ATXN7: variants seen among roughly 807,000 people sequenced by gnomAD.
ATXN7 encodes the protein ataxin 7.
ATXN7 carries 12 observed loss-of-function variants against 70.5 expected under a neutral mutation model. The ratio of observed to expected loss-of-function variants is 0.17; its 90% CI spans 0.11 to 0.28. ATXN7 has a LOEUF of 0.28. ATXN7 is among the 10% of genes least tolerant of loss of function. The probability of loss-of-function intolerance (pLI) is 1.00; values close to 1 mark genes in which losing one functional copy is unlikely to be tolerated. For synonymous variants in ATXN7, 498 were observed against 448.7 expected, an observed-to-expected ratio of 1.11 and a Z score of -1.39; for missense variants, 1,256 against 1,131.7, an observed-to-expected ratio of 1.11 and a Z score of -1.58.
intron 1 of ATXN7, among the ~76,000 whole-genome samples, chr3:63,879,111 A>C (rs1206710077): frequency 3.3e-5 from 5 of 152,022 alleles, no homozygotes; most frequent in African/African-American, 4.8e-5. Context: ...ATTTTATCTC[A>C]TCATCCTCAT....
chr3:63,927,255 G>C (rs1205574530), intron 4 of ATXN7, among the ~76,000 whole-genome samples: 1 of 152,050 alleles, frequency 6.6e-6, no homozygotes, highest in African/African-American at 2.4e-5. Context: ...TCTCTATATT[G>C]CTTTATAGCC....
At chr3:63,896,276 T>C (rs1179485610) in intron 1 of ATXN7, among the ~76,000 whole-genome samples, 1 of 126,238 alleles carries the variant, frequency 7.9e-6, no homozygotes, top group Non-Finnish European at 1.9e-5. Context: ...CTGGCCATCA[T>C]TTAAATACAT....
intron 5 of ATXN7, among the ~76,000 whole-genome samples, chr3:63,979,606 CATTTTTAG>C (rs2075452186): frequency 6.6e-6 from 1 of 152,148 alleles, no homozygotes; most frequent in Non-Finnish European, 1.5e-5. Context: ...CAATGAGGTT[CATTTTTAG>C]CACGCAAAAC....
chr3:63,880,114 CT>C (rs1296299956), intron 1 of ATXN7, among the ~76,000 whole-genome samples: 3 of 151,860 alleles, frequency 2.0e-5, no homozygotes, highest in Admixed American at 6.6e-5. Context: ...AGATTTTTAG[CT>C]TATCAAAAGA....
At chr3:63,936,785 G>A (rs2074669799) in intron 4 of ATXN7, among the ~76,000 whole-genome samples, 1 of 152,136 alleles carries the variant, frequency 6.6e-6, no homozygotes, top group South Asian at 2.1e-4. Flanking sequence ...AAGAGATAAT[G>A]ATCTCTCCTT....
intron 4 of ATXN7, among the ~76,000 whole-genome samples, chr3:63,914,120 A>G (rs1704167025): frequency 6.6e-6 from 1 of 152,154 alleles, no homozygotes; most frequent in South Asian, 2.1e-4. Flanking sequence ...ATAGTCCCCG[A>G]ATGCAATTTT....
At chr3:63,892,290 C>T (rs551201391) in intron 1 of ATXN7, among the ~76,000 whole-genome samples, 21 of 152,028 alleles carry the variant, frequency 1.4e-4, no homozygotes, top group Middle Eastern at 3.4e-3. Flanking sequence ...AGGAGATTAA[C>T]GTTCCCCTGG....
At chr3:63,998,373 T>C (rs1043844564) in intron 12 of ATXN7, 9 of 984,004 alleles carry the variant, frequency 9.1e-6, no homozygotes, top group Non-Finnish European at 8.4e-6. Context: ...TATATATGTA[T>C]ACACACACGT....
rs1165010363 is a variant in ATXN7 at position 63,996,108 on chromosome 3, G to A, written c.2286G>A (p.Thr762=). The change falls in exon 12 of 13, where the codon ACG becomes ACA. Residue 762 remains threonine (T), a synonymous_variant. Coordinates refer to ENST00000674280, the MANE Select transcript of ATXN7 (RefSeq NM_001377405.1). ...SSHSIGLNCV[T]NKANAVNVRH... ...ATAGCATCGGCCTCAACTGTGTGAC[G>A]AATAAAGCAAATGCGGTGAACGTCC... 1.9e-5 allele frequency: 31 copies of A among 1,614,064 alleles called. No individual in the cohort carries two copies. The highest frequency in any genetic ancestry group is 6.7e-5 in the African/African-American group (5 of 74,896).
At chr3:63,972,160 T>C (rs911845153) in intron 5 of ATXN7, among the ~76,000 whole-genome samples, 5 of 152,170 alleles carry the variant, frequency 3.3e-5, no homozygotes, top group Non-Finnish European at 7.4e-5. Context: ...AAATAAACAA[T>C]AAATAATTTT....
chr3:63,974,381 C>T (rs1329597366), intron 5 of ATXN7, among the ~76,000 whole-genome samples: 1 of 152,216 alleles, frequency 6.6e-6, no homozygotes, highest in African/African-American at 2.4e-5. Context: ...AGATGGGCTT[C>T]TTACTGATTT....
At chr3:63,914,654 A>G (rs1289219831) in intron 4 of ATXN7, among the ~76,000 whole-genome samples, 5 of 152,204 alleles carry the variant, frequency 3.3e-5, no homozygotes, top group Admixed American at 6.5e-5. Context: ...GTGTGGATAC[A>G]TATCCTATAA....
intron 5 of ATXN7, among the ~76,000 whole-genome samples, chr3:63,970,452 T>C (rs2075292762): frequency 6.6e-6 from 1 of 152,202 alleles, no homozygotes; most frequent in Admixed American, 6.5e-5. Flanking sequence ...GATCAACTGT[T>C]GTGACATTCT....
chr3:63,966,353 G>A (rs1160322938), intron 5 of ATXN7, among the ~76,000 whole-genome samples: 2 of 152,118 alleles, frequency 1.3e-5, no homozygotes, highest in African/African-American at 4.8e-5. Context: ...TGGCAATCAG[G>A]TTTTACAGCC....
intron 4 of ATXN7, among the ~76,000 whole-genome samples, chr3:63,929,570 C>T (rs1201046831): frequency 6.6e-6 from 1 of 152,178 alleles, no homozygotes; most frequent in Non-Finnish European, 1.5e-5. Context: ...TGCGCCCGGC[C>T]TGCCTTTCTT....
intron 1 of ATXN7, among the ~76,000 whole-genome samples, chr3:63,884,795 G>A (rs1387609569): frequency 2.0e-5 from 3 of 151,914 alleles, no homozygotes; most frequent in East Asian, 3.9e-4. Context: ...AACTACAGGT[G>A]TGTGCCACCA....
chr3:63,895,653 A>G (rs370114660), intron 1 of ATXN7, among the ~76,000 whole-genome samples: 1 of 152,114 alleles, frequency 6.6e-6, no homozygotes, highest in Admixed American at 6.6e-5. Flanking sequence ...CTATGGCAGT[A>G]ACAGGAAAGC....
chr3:63,928,717 C>T (rs1270197495), intron 4 of ATXN7, among the ~76,000 whole-genome samples: 4 of 152,178 alleles, frequency 2.6e-5, no homozygotes, highest in Admixed American at 6.5e-5. Flanking sequence ...CTGGCTCACC[C>T]CATGGCCAGA....
Position 63,912,755 on chromosome 3 carries a change from C to G in ATXN7, c.157C>G (p.Pro53Ala). The change falls in exon 3 of 13, where the codon CCG becomes GCG. Residue 53 changes from proline to alanine, a missense_variant. Coordinates refer to ENST00000674280, the MANE Select transcript of ATXN7 (RefSeq NM_001377405.1). ...GCCCCAGCGGCAGCAGCACCCGCCA[C>G]CGCCGCCACGGCGCACACGGCCGGA... ...PQPQRQQHPP[P>A]PPRRTRPEDG... The G allele has an allele frequency of 8.3e-6, 11 of 1,318,932 alleles. No individual in the cohort carries two copies. Among genetic ancestry groups the G allele is most frequent in the Non-Finnish European group, 1.1e-5 (11 of 1,033,816 alleles). 81.7% of individuals were successfully genotyped at this position (1,318,932 alleles called of 1,614,324 possible).
Sources: allele counts gnomAD v4.1 joint callset (sites outside exome capture counted in the v4.1 genomes callset), GRCh38; gene constraint gnomAD v4.1.1; transcripts MANE v1.5; gene names NCBI Gene and HGNC (gene_info 2026-07-23, HGNC 2026-07-21).